The following WWOX variants were observed in gnomAD, a reference collection of about 807,000 sequenced individuals.
WWOX encodes the protein WW domain-containing oxidoreductase.
In WWOX, 69 loss-of-function variants were observed where a neutral mutation model predicts 46.2. The ratio of observed to expected loss-of-function variants is 1.49; its 90% CI spans 1.23 to 1.82. WWOX has a LOEUF of 1.82. Among genes scored for constraint, WWOX ranks in the 40% most tolerant of loss-of-function variants. The pLI, the probability that WWOX is intolerant of heterozygous loss-of-function variation, is 0.00. For synonymous variants in WWOX, 359 were observed against 202.6 expected, an observed-to-expected ratio of 1.77 and a Z score of -6.56; for missense variants, 919 against 542.6, an observed-to-expected ratio of 1.69 and a Z score of -6.89.
intron 8 of WWOX, among the ~76,000 whole-genome samples, chr16:78,902,747 T>G (rs140323426): frequency 4.3e-4 from 65 of 152,376 alleles, no homozygotes; most frequent in African/African-American, 1.4e-3. Flanking sequence ...AATCCACTTT[T>G]CCATCCACTG....
chr16:78,560,397 C>A (rs568128494), intron 8 of WWOX, among the ~76,000 whole-genome samples: 1 of 152,174 alleles, frequency 6.6e-6, no homozygotes, highest in African/African-American at 2.4e-5. Context: ...AATCCCAGCA[C>A]TTTGGGAGGC....
At chr16:78,790,501 C>T (rs1243867352) in intron 8 of WWOX, among the ~76,000 whole-genome samples, 1 of 152,100 alleles carries the variant, frequency 6.6e-6, no homozygotes, top group Non-Finnish European at 1.5e-5. Flanking sequence ...AGAAGGTCTA[C>T]CTACAACTTT....
At chr16:78,171,602 T>G (rs1349046874) in intron 5 of WWOX, among the ~76,000 whole-genome samples, 3 of 152,204 alleles carry the variant, frequency 2.0e-5, no homozygotes, top group African/African-American at 7.2e-5. Flanking sequence ...TCCATTGTTC[T>G]GAACGATCTG....
chr16:78,610,387 A>C (rs889146900), intron 8 of WWOX, among the ~76,000 whole-genome samples: 1 of 152,220 alleles, frequency 6.6e-6, no homozygotes, highest in Admixed American at 6.5e-5. Context: ...GGTATACTAA[A>C]GGAGATAACT....
rs577520571 is a variant in WWOX at position 78,139,213 on chromosome 16, T to A, written c.409+24059T>A. On this transcript the variant is annotated intron_variant, in intron 4 of 8. Transcript: ENST00000566780. ...TCTCAGTAGCTATCTAGGAGAGAGA[T>A]AATCCTAGCTTTCTTCAAGGGACAG... 1.3e-4 allele frequency among the ~76,000 whole-genome samples: 20 copies of A among 152,284 alleles called. No homozygotes were observed. The South Asian group carries it at 3.7e-3, about 28-fold the overall frequency.
At chr16:78,117,273 T>G (rs1193511942) in intron 4 of WWOX, among the ~76,000 whole-genome samples, 1 of 152,266 alleles carries the variant, frequency 6.6e-6, no homozygotes, top group Admixed American at 6.5e-5. Flanking sequence ...ATGGCACAGA[T>G]GTCGCACAAG....
intron 8 of WWOX, among the ~76,000 whole-genome samples, chr16:78,494,862 A>G (rs933109572): frequency 6.6e-6 from 1 of 152,174 alleles, no homozygotes; most frequent in African/African-American, 2.4e-5. Flanking sequence ...GCTGATGTTC[A>G]TCGCACAGTG....
intron 8 of WWOX, among the ~76,000 whole-genome samples, chr16:79,074,099 C>G (rs1183315904): frequency 6.6e-6 from 1 of 152,026 alleles, no homozygotes; most frequent in Non-Finnish European, 1.5e-5. Context: ...CTTTGTGGCC[C>G]TTTTCTTTTA....
At chr16:78,932,634 A>C (rs554998466) in intron 8 of WWOX, among the ~76,000 whole-genome samples, 12 of 152,314 alleles carry the variant, frequency 7.9e-5, no homozygotes, top group African/African-American at 2.9e-4. Context: ...CCTGAAAGAG[A>C]AGCCTGCAGC....
chr16:79,127,081 T>TGAATAGG (rs2049774260), intron 8 of WWOX, among the ~76,000 whole-genome samples: 1 of 152,132 alleles, frequency 6.6e-6, no homozygotes, highest in Non-Finnish European at 1.5e-5. Context: ...TATTTATTTT[T>TGAATAGG]GAATAGGTAA....
At chr16:78,929,448 T>C (rs185435622) in intron 8 of WWOX, among the ~76,000 whole-genome samples, 2 of 152,282 alleles carry the variant, frequency 1.3e-5, no homozygotes, top group Admixed American at 1.3e-4. Flanking sequence ...GAGGAACTGC[T>C]ATATAACACT....
chr16:78,155,364 C>T (rs141732042), intron 4 of WWOX, among the ~76,000 whole-genome samples: 5 of 152,126 alleles, frequency 3.3e-5, no homozygotes, highest in Non-Finnish European at 5.9e-5. Flanking sequence ...AGTTTGTGAC[C>T]TCTGTTCTAA....
At chr16:78,533,807 G>A (rs115010347) in intron 8 of WWOX, among the ~76,000 whole-genome samples, 2,163 of 152,222 alleles carry the variant, frequency 0.014, 22 homozygotes, top group African/African-American at 0.027. Flanking sequence ...CTCAGAACTC[G>A]CTGGTTCTCG....
intron 8 of WWOX, chr16:78,896,901 A>G (rs372879371): frequency 6.6e-6 from 1 of 152,046 alleles, no homozygotes; most frequent in Non-Finnish European, 1.5e-5. Flanking sequence ...ATACGTGTAC[A>G]TAATCATGGA....
intron 5 of WWOX, among the ~76,000 whole-genome samples, chr16:78,260,162 C>T (rs1397093168): frequency 6.6e-6 from 1 of 151,350 alleles, no homozygotes; most frequent in African/African-American, 2.4e-5. Context: ...GCAGCCTCCA[C>T]AGGTGACACC....
intron 6 of WWOX, among the ~76,000 whole-genome samples, chr16:78,404,621 G>T (rs1385358828): frequency 6.6e-6 from 1 of 152,090 alleles, no homozygotes; most frequent in Non-Finnish European, 1.5e-5. Flanking sequence ...ACGGGACTAT[G>T]GTTCATTTGT....
At chr16:78,750,391 C>G (rs1356574274) in intron 8 of WWOX, among the ~76,000 whole-genome samples, 4 of 152,276 alleles carry the variant, frequency 2.6e-5, no homozygotes, top group African/African-American at 7.2e-5. Context: ...CCATTAGGAT[C>G]AGGAAGTGTG....
At chr16:78,813,381 C>G (rs962915204) in intron 8 of WWOX, among the ~76,000 whole-genome samples, 1 of 151,784 alleles carries the variant, frequency 6.6e-6, no homozygotes, top group Admixed American at 6.6e-5. Flanking sequence ...CTTTCAAGTG[C>G]TAGATTAATA....
At chr16:78,807,041 A>G (rs1284806725) in intron 8 of WWOX, among the ~76,000 whole-genome samples, 1 of 152,192 alleles carries the variant, frequency 6.6e-6, no homozygotes, top group East Asian at 1.9e-4. Context: ...GCTGAGGATT[A>G]TGCAAATAAA....
Sources: gnomAD v4.1 joint callset for allele counts (sites outside exome capture counted in the v4.1 genomes callset) on GRCh38, gnomAD v4.1.1 for gene constraint, MANE v1.5 for transcripts, NCBI Gene and HGNC (gene_info 2026-07-23, HGNC 2026-07-21) for gene names.